Variants in MYO1E observed in about 807,000 individuals in gnomAD.
The protein encoded by MYO1E is unconventional myosin-Ie.
Under a neutral mutation model 151.1 loss-of-function variants are expected in MYO1E, and 68 were observed. The ratio of observed to expected loss-of-function variants is 0.45; its 90% CI spans 0.37 to 0.55. The LOEUF is 0.55. Ranked by LOEUF, MYO1E falls within the 20% of genes least tolerant of loss-of-function variation. MYO1E has a pLI of 0.00. For missense variants in MYO1E, 1,363 were observed against 1,389.3 expected (o/e 0.98, Z 0.30); for synonymous variants, 601 against 501.7 (o/e 1.20, Z -2.64).
intron 19 of MYO1E, among the ~76,000 whole-genome samples, chr15:59,178,096 G>C (rs542928529): frequency 6.6e-6 from 1 of 152,246 alleles, no homozygotes; most frequent in Non-Finnish European, 1.5e-5. Context: ...CTGCCCTCCA[G>C]GAGTGTAGCA....
intron 27 of MYO1E, 42 bp from the exon 28 acceptor site, chr15:59,137,498 C>G: frequency 6.5e-7 from 1 of 1,539,154 alleles, no homozygotes. Flanking sequence ...ATGAGAAAGT[C>G]TGTTCTGCCC....
At chr15:59,246,334 T>C (rs2080129903) in intron 4 of MYO1E, among the ~76,000 whole-genome samples, 1 of 152,156 alleles carries the variant, frequency 6.6e-6, no homozygotes, top group Admixed American at 6.5e-5. Flanking sequence ...GCCAGGCTGG[T>C]CTCGAACTCC....
At chr15:59,198,618 C>A (rs2140331850) in intron 16 of MYO1E, among the ~76,000 whole-genome samples, 1 of 152,116 alleles carries the variant, frequency 6.6e-6, no homozygotes, top group South Asian at 2.1e-4. Flanking sequence ...GAGTTCGAGA[C>A]CAGCCTGGCC....
chr15:59,346,004 A>G (rs1371889996), intron 1 of MYO1E, among the ~76,000 whole-genome samples: 3 of 152,242 alleles, frequency 2.0e-5, no homozygotes, highest in Non-Finnish European at 2.9e-5. Flanking sequence ...ATGTGAGTGA[A>G]TATCACTTTA....
At position 59,163,149 on chromosome 15, in the gene MYO1E, G is replaced by C; in HGVS notation, c.2627+8C>G. On this transcript the variant is annotated splice_region_variant and intron_variant, in intron 23 of 27. Coordinates refer to ENST00000288235, the MANE Select transcript of MYO1E (RefSeq NM_004998.4). ...ACGCAGAAGTCTGGGTCCCAGATCC[G>C]GACTTACGTATTGCTGAATTTCAGA... 1.2e-6 allele frequency: 2 copies of C among 1,613,788 alleles called. No individual in the cohort carries two copies. The highest frequency in any genetic ancestry group is 2.2e-5 in the South Asian group (2 of 91,038).
intron 1 of MYO1E, among the ~76,000 whole-genome samples, chr15:59,345,761 T>C (rs1294981753): frequency 6.6e-6 from 1 of 152,210 alleles, no homozygotes; most frequent in Non-Finnish European, 1.5e-5. Context: ...ATGTATAGAA[T>C]ATTTACCAAT....
chr15:59,367,163 C>T (rs1407128803), intron 1 of MYO1E, among the ~76,000 whole-genome samples: 1 of 152,134 alleles, frequency 6.6e-6, no homozygotes, highest in Non-Finnish European at 1.5e-5. Flanking sequence ...TTCTCAAATT[C>T]CTAATGAATA....
At chr15:59,272,565 T>C in intron 1 of MYO1E, 116 bp from the exon 2 acceptor site, 7 of 1,148,232 alleles carry the variant, frequency 6.1e-6, no homozygotes, top group Non-Finnish European at 8.9e-6. Context: ...GAAAGAGCAG[T>C]GCAGAGAAAG....
chr15:59,251,854 T>C (rs2080166870), intron 4 of MYO1E, among the ~76,000 whole-genome samples: 1 of 152,240 alleles, frequency 6.6e-6, no homozygotes, highest in Non-Finnish European at 1.5e-5. Context: ...AAGGATTATT[T>C]TAAGTGACTT....
At chr15:59,221,046 A>G (rs1296846558) in intron 9 of MYO1E, among the ~76,000 whole-genome samples, 1 of 146,590 alleles carries the variant, frequency 6.8e-6, no homozygotes, top group East Asian at 1.9e-4. Flanking sequence ...TTATATATAT[A>G]TACACACACA....
chr15:59,367,662 C>T (rs988946803), intron 1 of MYO1E, among the ~76,000 whole-genome samples: 125 of 152,316 alleles, frequency 8.2e-4, no homozygotes, highest in African/African-American at 3.0e-3. Context: ...CTGAATGCCA[C>T]TACTGGGTAT....
In MYO1E at chr15:59,223,210, A is replaced by G. The variant is rs747264620; in HGVS notation, c.778-19T>C. 8 of 1,614,202 alleles carry G rather than the reference A, an allele frequency of 5.0e-6. No individual in the cohort carries two copies. The South Asian group carries it at 7.7e-5, about 16-fold the overall frequency. On this transcript the variant is annotated intron_variant, in intron 8 of 27. Transcript: ENST00000288235. ...TGGCGTGCTGGAAGAGAAAAGAGAA[A>G]CTATCCAGAGAAGCTGGTCACCAGC...
intron 16 of MYO1E, among the ~76,000 whole-genome samples, chr15:59,200,695 T>C (rs556781500): frequency 5.3e-5 from 8 of 152,218 alleles, no homozygotes; most frequent in Non-Finnish European, 1.2e-4. Context: ...GGAAAGAATG[T>C]AGTCAGAGCA....
chr15:59,272,911 A>G (rs746467317), intron 1 of MYO1E, among the ~76,000 whole-genome samples: 14 of 152,238 alleles, frequency 9.2e-5, no homozygotes, highest in Admixed American at 3.3e-4. Context: ...TTTGCAAACT[A>G]CATGACAGAA....
intron 4 of MYO1E, among the ~76,000 whole-genome samples, chr15:59,250,260 G>A (rs1037757618): frequency 2.6e-5 from 4 of 152,214 alleles, no homozygotes; most frequent in South Asian, 2.1e-4. Flanking sequence ...ACATACCATC[G>A]CAATTCTGAC....
intron 9 of MYO1E, among the ~76,000 whole-genome samples, chr15:59,220,563 G>A (rs6494076): frequency 0.97 from 147,753 of 152,258 alleles, 71,833 homozygotes; most frequent in East Asian, 1. Flanking sequence ...TTTTTTTTCT[G>A]CACTGCAAGA....
intron 14 of MYO1E, 124 bp downstream of exon 14, chr15:59,208,557 G>C: frequency 8.2e-7 from 1 of 1,217,706 alleles, no homozygotes; most frequent in Admixed American, 1.7e-5. Context: ...TCCTTTGATA[G>C]TTAATAAATT....
At chr15:59,208,537 T>C in intron 14 of MYO1E, 144 bp downstream of exon 14, 1 of 1,024,604 alleles carries the variant, frequency 9.8e-7, no homozygotes, top group South Asian at 1.4e-5. Flanking sequence ...ATACAATCTT[T>C]TGTTTTGCTT....
At chr15:59,144,920 C>G (rs190285926) in intron 26 of MYO1E, among the ~76,000 whole-genome samples, 1 of 152,108 alleles carries the variant, frequency 6.6e-6, no homozygotes, top group Non-Finnish European at 1.5e-5. Context: ...CTCGGCTCAC[C>G]GCAACCTCCA....
Sources: gnomAD v4.1 joint callset for allele counts (sites outside exome capture counted in the v4.1 genomes callset) on GRCh38, gnomAD v4.1.1 for gene constraint, MANE v1.5 for transcripts, NCBI Gene and HGNC (gene_info 2026-07-23, HGNC 2026-07-21) for gene names.